EIF4EBP1: variants seen among roughly 807,000 people sequenced by gnomAD.
EIF4EBP1 encodes the protein eukaryotic translation initiation factor 4E binding protein 1.
EIF4EBP1 carries 5 observed loss-of-function variants against 9.2 expected under a neutral mutation model. That is an observed-to-expected ratio of 0.54 (90% CI 0.28 to 1.14). The LOEUF is 1.14. Ranked by LOEUF, EIF4EBP1 falls within the 50% of genes most tolerant of loss-of-function variation. The pLI is 0.09. For missense variants in EIF4EBP1, 139 were observed against 169.6 expected, an observed-to-expected ratio of 0.82 and a Z score of 1.00; for synonymous variants, 62 against 67.0, an observed-to-expected ratio of 0.93 and a Z score of 0.36.
chr8:38,038,570 T>C (rs1042058705), intron 1 of EIF4EBP1, among the ~76,000 whole-genome samples: 1 of 148,222 alleles, frequency 6.7e-6, no homozygotes, highest in African/African-American at 2.5e-5. Context: ...TGGCATGATA[T>C]CGGCTCACTG....
intron 1 of EIF4EBP1, among the ~76,000 whole-genome samples, chr8:38,034,596 A>G (rs1809274314): frequency 6.6e-6 from 1 of 152,094 alleles, no homozygotes; most frequent in African/African-American, 2.4e-5. Flanking sequence ...TGCATGTTTG[A>G]CTCTGAAGCC....
rs372469754 is a variant in EIF4EBP1 at position 38,036,209 on chromosome 8, G to GT, written c.145+5497dup. 7.9e-3 allele frequency among the ~76,000 whole-genome samples: 1,202 copies of GT among 151,980 alleles called. 17 individuals are homozygous for GT. Among genetic ancestry groups the GT allele is most frequent in the African/African-American group, 0.028 (1,148 of 41,508 alleles). On this transcript the variant is annotated intron_variant, in intron 1 of 2. Coordinates refer to ENST00000338825, the MANE Select transcript of EIF4EBP1 (RefSeq NM_004095.4). The stretch of plus-strand genomic sequence containing the variant: ...CTTTGCTTCTGAGTCTGACCCTCTA[G>GT]TTTTTTATTATTTGAAAGGAGAGGC...
chr8:38,030,840 C>T (rs1158049320), intron 1 of EIF4EBP1, 122 bp downstream of exon 1: 1 of 1,318,694 alleles, frequency 7.6e-7, no homozygotes, highest in East Asian at 3.1e-5. Context: ...GGAAAAGGGG[C>T]ATCGGAGAGA....
chr8:38,044,958 G>A (rs562257786), intron 1 of EIF4EBP1, among the ~76,000 whole-genome samples: 2 of 152,282 alleles, frequency 1.3e-5, no homozygotes, highest in South Asian at 2.1e-4. Context: ...CACCTCGCCC[G>A]AAAATCTAAG....
intron 1 of EIF4EBP1, among the ~76,000 whole-genome samples, chr8:38,032,583 T>C (rs1183573544): frequency 6.6e-6 from 1 of 152,216 alleles, no homozygotes. Flanking sequence ...GGCAGGGGGC[T>C]GACAGACCAC....
chr8:38,041,243 A>G (rs915033732), intron 1 of EIF4EBP1, among the ~76,000 whole-genome samples: 3 of 152,162 alleles, frequency 2.0e-5, no homozygotes, highest in Admixed American at 2.0e-4. Context: ...CTGGGATTAC[A>G]GGCACCTGCC....
chr8:38,035,416 C>G (rs1004457623), intron 1 of EIF4EBP1, among the ~76,000 whole-genome samples: 1 of 151,686 alleles, frequency 6.6e-6, no homozygotes, highest in African/African-American at 2.4e-5. Context: ...CAGGGTTTCA[C>G]CATGTTAGTC....
intron 1 of EIF4EBP1, among the ~76,000 whole-genome samples, chr8:38,031,905 A>G (rs904466582): frequency 4.6e-5 from 7 of 152,262 alleles, no homozygotes; most frequent in African/African-American, 1.4e-4. Context: ...AACCAGGCAG[A>G]GAAGGGAGAA....
intron 1 of EIF4EBP1, among the ~76,000 whole-genome samples, chr8:38,050,644 G>A (rs1413532316): frequency 1.3e-5 from 2 of 151,752 alleles, no homozygotes; most frequent in Non-Finnish European, 2.9e-5. Flanking sequence ...ACAGGGTCTC[G>A]CTCTTTCGCT....
At chr8:38,047,985 A>G (rs1809468245) in intron 1 of EIF4EBP1, among the ~76,000 whole-genome samples, 1 of 152,236 alleles carries the variant, frequency 6.6e-6, no homozygotes, top group East Asian at 1.9e-4. Flanking sequence ...AGCCTGGGCA[A>G]CATAGCAAGA....
At chr8:38,054,733 AAG>A (rs1355728628) in intron 1 of EIF4EBP1, among the ~76,000 whole-genome samples, 1 of 152,060 alleles carries the variant, frequency 6.6e-6, no homozygotes, top group African/African-American at 2.4e-5. Flanking sequence ...TTTTAAAAAA[AAG>A]AGTTAGAAAT....
At chr8:38,040,271 A>G (rs991659195) in intron 1 of EIF4EBP1, among the ~76,000 whole-genome samples, 2 of 152,214 alleles carry the variant, frequency 1.3e-5, no homozygotes, top group Non-Finnish European at 2.9e-5. Context: ...TGCATCCAGC[A>G]TTGCTGACAA....
chr8:38,030,855 G>C, intron 1 of EIF4EBP1, 137 bp downstream of exon 1: 1 of 1,285,238 alleles, frequency 7.8e-7, no homozygotes, highest in South Asian at 1.8e-5. Context: ...GAGAGACAGC[G>C]AGGGTCATGG....
intron 1 of EIF4EBP1, among the ~76,000 whole-genome samples, chr8:38,034,249 T>TA (rs1483186141): frequency 1.3e-5 from 2 of 151,690 alleles, no homozygotes; most frequent in Admixed American, 6.6e-5. Context: ...GGTCTCTATG[T>TA]ATTACCCAGG....
At position 38,037,370 on chromosome 8, in the gene EIF4EBP1, G is replaced by A. The variant is rs543109983; in HGVS notation, c.145+6652G>A. On this transcript the variant is annotated intron_variant, in intron 1 of 2. Coordinates refer to ENST00000338825, the MANE Select transcript of EIF4EBP1 (RefSeq NM_004095.4). ...CTTGCTCTGTCGCCCAGGCTGGAGTGCAGTGGCATGATCTCAGCTCACTGC... is the reference window on the plus strand; with the variant it reads ...CTTGCTCTGTCGCCCAGGCTGGAGTACAGTGGCATGATCTCAGCTCACTGC... Among the ~76,000 whole-genome samples the A allele has an allele frequency of 2.0e-4, 30 of 152,206 alleles. No homozygotes were observed. The East Asian group carries it at 5.8e-3, about 29-fold the overall frequency.
chr8:38,038,727 C>T (rs1809336162), intron 1 of EIF4EBP1, among the ~76,000 whole-genome samples: 1 of 151,696 alleles, frequency 6.6e-6, no homozygotes, highest in Non-Finnish European at 1.5e-5. Context: ...ATACGAGGTA[C>T]ATGCTCTCGA....
At chr8:38,048,619 G>A (rs1363641469) in intron 1 of EIF4EBP1, among the ~76,000 whole-genome samples, 1 of 152,162 alleles carries the variant, frequency 6.6e-6, no homozygotes, top group Non-Finnish European at 1.5e-5. Context: ...TCAATGTGGG[G>A]TTCCCTGAAG....
intron 1 of EIF4EBP1, among the ~76,000 whole-genome samples, chr8:38,033,376 G>A (rs1809252917): frequency 6.6e-6 from 1 of 151,582 alleles, no homozygotes; most frequent in South Asian, 2.1e-4. Context: ...CCTAGATTCA[G>A]CATTTCTAAC....
intron 1 of EIF4EBP1, among the ~76,000 whole-genome samples, chr8:38,035,200 A>G (rs1809282185): frequency 6.6e-6 from 1 of 152,100 alleles, no homozygotes; most frequent in South Asian, 2.1e-4. Flanking sequence ...AATCCCTCCA[A>G]TCCCCAGACT....
Sources: allele counts gnomAD v4.1 joint callset (sites outside exome capture counted in the v4.1 genomes callset), GRCh38; gene constraint gnomAD v4.1.1; transcripts MANE v1.5; gene names NCBI Gene and HGNC (gene_info 2026-07-23, HGNC 2026-07-21).